The following ZFYVE9 variants were observed in gnomAD, a reference collection of about 807,000 sequenced individuals.
The protein encoded by ZFYVE9 is zinc finger FYVE-type containing 9.
A neutral mutation model predicts 126.7 loss-of-function variants in ZFYVE9; 43 were observed. The observed-to-expected ratio is 0.34, with a 90% confidence interval of 0.27 to 0.44. The LOEUF is 0.44. Ranked by LOEUF, ZFYVE9 falls within the 20% of genes least tolerant of loss-of-function variation. The pLI, the probability that ZFYVE9 is intolerant of heterozygous loss-of-function variation, is 1.00. For synonymous variants in ZFYVE9, 521 were observed against 597.4 expected, an observed-to-expected ratio of 0.87 and a Z score of 1.87; for missense variants, 1,476 against 1,697.0, an observed-to-expected ratio of 0.87 and a Z score of 2.29.
At chr1:52,245,737 G>A (rs546785125) in intron 4 of ZFYVE9, among the ~76,000 whole-genome samples, 2 of 152,296 alleles carry the variant, frequency 1.3e-5, no homozygotes, top group East Asian at 3.9e-4. Context: ...CTGTGTGATA[G>A]TTGATGGTAT....
intron 2 of ZFYVE9, among the ~76,000 whole-genome samples, chr1:52,225,479 C>A (rs1645161871): frequency 6.6e-6 from 1 of 152,252 alleles, no homozygotes; most frequent in East Asian, 1.9e-4. Context: ...GTTACAAATA[C>A]AAGAGCACAC....
intron 4 of ZFYVE9, among the ~76,000 whole-genome samples, chr1:52,257,744 T>A (rs1041614088): frequency 1.2e-4 from 19 of 152,242 alleles, no homozygotes; most frequent in African/African-American, 4.6e-4. Context: ...TGTATTTATT[T>A]ATTTTTTGAG....
At chr1:52,182,450 C>T (rs921943435) in intron 1 of ZFYVE9, among the ~76,000 whole-genome samples, 2 of 151,988 alleles carry the variant, frequency 1.3e-5, no homozygotes, top group African/African-American at 4.8e-5. Flanking sequence ...ATGACCTTAC[C>T]CCGAACCCTG....
chr1:52,144,587 C>T (rs1644291029), intron 1 of ZFYVE9, among the ~76,000 whole-genome samples: 1 of 151,074 alleles, frequency 6.6e-6, no homozygotes, highest in Non-Finnish European at 1.5e-5. Flanking sequence ...TGTCTATTTT[C>T]TAGCAAAACT....
intron 1 of ZFYVE9, among the ~76,000 whole-genome samples, chr1:52,174,757 A>C (rs932683801): frequency 6.6e-6 from 1 of 152,096 alleles, no homozygotes; most frequent in African/African-American, 2.4e-5. Context: ...ACCATTATGT[A>C]ATGGCCTTCT....
intron 1 of ZFYVE9, among the ~76,000 whole-genome samples, chr1:52,151,553 T>A (rs1644356701): frequency 1.3e-5 from 2 of 151,768 alleles, no homozygotes; most frequent in African/African-American, 2.4e-5. Context: ...TCTCGCTCTG[T>A]CATCCAGGCT....
intron 12 of ZFYVE9, among the ~76,000 whole-genome samples, chr1:52,299,948 G>C (rs1646016841): frequency 6.6e-6 from 1 of 152,244 alleles, no homozygotes; most frequent in African/African-American, 2.4e-5. Context: ...GGTTTGTGAG[G>C]ACCGCGGGAC....
chr1:52,188,329 G>GTGGA (rs1345602518), intron 1 of ZFYVE9, among the ~76,000 whole-genome samples: 3 of 152,158 alleles, frequency 2.0e-5, no homozygotes, highest in Non-Finnish European at 4.4e-5. Flanking sequence ...CTACTGGAGG[G>GTGGA]TGGAGGCTGG....
At chr1:52,160,839 A>G (rs1291359639) in intron 1 of ZFYVE9, among the ~76,000 whole-genome samples, 1 of 152,192 alleles carries the variant, frequency 6.6e-6, no homozygotes, top group Admixed American at 6.5e-5. Context: ...TGAAAACAAT[A>G]TTTCAGTGTG....
chr1:52,274,687 A>C (rs1645728509), intron 8 of ZFYVE9, 103 bp downstream of exon 8: 1 of 1,292,442 alleles, frequency 7.7e-7, no homozygotes. Flanking sequence ...CCTTTCTCTT[A>C]TCCAACAAAA....
chr1:52,183,602 A>G (rs1382596061), intron 1 of ZFYVE9, among the ~76,000 whole-genome samples: 2 of 152,108 alleles, frequency 1.3e-5, no homozygotes, highest in Non-Finnish European at 2.9e-5. Flanking sequence ...TCCCGGGTTC[A>G]AGTAATTCTC....
At chr1:52,223,199 T>C (rs572876402) in intron 2 of ZFYVE9, among the ~76,000 whole-genome samples, 2 of 152,304 alleles carry the variant, frequency 1.3e-5, no homozygotes, top group South Asian at 4.1e-4. Flanking sequence ...GGAAGGACTT[T>C]CTTTTCCCTC....
chr1:52,227,970 C>T (rs544978352), intron 2 of ZFYVE9, among the ~76,000 whole-genome samples: 4 of 152,334 alleles, frequency 2.6e-5, no homozygotes, highest in African/African-American at 9.6e-5. Flanking sequence ...TATGGACTGC[C>T]ACTCTTCAGT....
intron 10 of ZFYVE9, among the ~76,000 whole-genome samples, chr1:52,282,439 G>A (rs949864580): frequency 6.6e-6 from 1 of 152,038 alleles, no homozygotes; most frequent in Non-Finnish European, 1.5e-5. Context: ...GTAGAAAAAC[G>A]GTGTAATTGA....
Position 52,332,795 on chromosome 1 carries a change from G to T in ZFYVE9, c.3466G>T (p.Glu1156Ter). ...EMMKAMNKSN[E>*]HVLAGGACFN... is the part of the protein sequence containing the mutation. ...GATGAAAGCCATGAACAAGTCCAAT[G>T]AGCATGTCCTGGCAGGAGGTGCCTG... Residue 1156 changes from glutamate (E) to a stop codon, truncating the protein, a stop_gained, in exon 14 of 19, where the codon GAG becomes TAG. Transcript: ENST00000287727. LOFTEE classifies it high-confidence loss of function. 6.2e-7 allele frequency: 1 copy of T among 1,614,050 alleles called. No individual in the cohort carries two copies. Among genetic ancestry groups the T allele is most frequent in the South Asian group, 1.1e-5 (1 of 91,062 alleles).
intron 1 of ZFYVE9, among the ~76,000 whole-genome samples, chr1:52,203,979 C>G (rs1386859139): frequency 6.6e-6 from 1 of 152,098 alleles, no homozygotes. Context: ...CCCGTTATAG[C>G]CCTTAGCATA....
At position 52,342,783 on chromosome 1, in the gene ZFYVE9, C is replaced by T. The variant is rs530288486; in HGVS notation, c.3940-1985C>T. ...TCCTGACCTTGTGATCTGCCCGCCT[C>T]GGCCTCCCAAAGTACTGGGATTACA... On this transcript the variant is annotated intron_variant, in intron 17 of 18. Transcript: ENST00000287727. 2.8e-4 allele frequency among the ~76,000 whole-genome samples: 42 copies of T among 152,130 alleles called. 1 individual carries two copies. The South Asian group carries it at 6.9e-3, about 25-fold the overall frequency.
At chr1:52,282,763 A>T (rs1229846877) in intron 10 of ZFYVE9, among the ~76,000 whole-genome samples, 2 of 152,208 alleles carry the variant, frequency 1.3e-5, no homozygotes, top group African/African-American at 4.8e-5. Context: ...AGCAACCTGA[A>T]TGCCTTAGCT....
At chr1:52,181,257 A>AT (rs1237840318) in intron 1 of ZFYVE9, among the ~76,000 whole-genome samples, 2 of 152,166 alleles carry the variant, frequency 1.3e-5, no homozygotes, top group East Asian at 1.9e-4. Flanking sequence ...TGGTTTTCGT[A>AT]TTTTTTTGGT....
Sources: gnomAD v4.1 joint callset for allele counts (sites outside exome capture counted in the v4.1 genomes callset) on GRCh38, gnomAD v4.1.1 for gene constraint, MANE v1.5 for transcripts, NCBI Gene and HGNC (gene_info 2026-07-23, HGNC 2026-07-21) for gene names.